LARS2: variants seen among roughly 807,000 people sequenced by gnomAD.
The protein encoded by LARS2 is leucine--tRNA ligase, mitochondrial.
In LARS2, 81 loss-of-function variants were observed where a neutral mutation model predicts 116.6. The observed-to-expected ratio is 0.69, with a 90% CI of 0.58 to 0.84. The LOEUF (loss-of-function observed/expected upper bound fraction) is 0.84, where lower values mean the gene tolerates loss of function less well. Ranked by LOEUF, LARS2 falls within the 40% of genes least tolerant of loss-of-function variation. The probability of loss-of-function intolerance (pLI) is 0.00; values close to 1 mark genes in which losing one functional copy is unlikely to be tolerated. For missense variants in LARS2, 968 were observed against 1,114.5 expected (o/e 0.87, Z 1.87); for synonymous variants, 396 against 407.2 (o/e 0.97, Z 0.33).
intron 14 of LARS2, among the ~76,000 whole-genome samples, chr3:45,497,304 A>C (rs1049611306): frequency 1.5e-4 from 23 of 149,902 alleles, no homozygotes; most frequent in Middle Eastern, 3.4e-3. Context: ...CGCCCCCCCC[A>C]AAAAAAGAAA....
chr3:45,457,398 G>T (rs547150030), intron 7 of LARS2, among the ~76,000 whole-genome samples: 1 of 152,346 alleles, frequency 6.6e-6, no homozygotes, highest in East Asian at 1.9e-4. Context: ...AAATTTTACG[G>T]CTAGGCCTGG....
intron 15 of LARS2, among the ~76,000 whole-genome samples, chr3:45,510,080 T>C (rs570556123): frequency 1.8e-4 from 27 of 152,160 alleles, no homozygotes; most frequent in African/African-American, 6.0e-4. Flanking sequence ...TTAACATTAC[T>C]GAGCATCTGT....
chr3:45,505,084 A>AC (rs1343638714), intron 15 of LARS2, among the ~76,000 whole-genome samples: 6 of 151,032 alleles, frequency 4.0e-5, no homozygotes, highest in Non-Finnish European at 8.9e-5. Context: ...CTGTCTAAAA[A>AC]TTAAAAAAAA....
chr3:45,532,636 C>T (rs560336014), intron 20 of LARS2, among the ~76,000 whole-genome samples: 5 of 152,126 alleles, frequency 3.3e-5, no homozygotes, highest in Admixed American at 6.5e-5. Context: ...GAATGAGTTG[C>T]CTCTGTCTTT....
intron 6 of LARS2, among the ~76,000 whole-genome samples, chr3:45,434,636 T>A (rs1698771274): frequency 6.6e-6 from 1 of 152,252 alleles, no homozygotes; most frequent in African/African-American, 2.4e-5. Flanking sequence ...TAGGTATGGC[T>A]AATGATTTTC....
chr3:45,496,209 A>G (rs1700008404), intron 13 of LARS2, 66 bp from the exon 14 acceptor site: 1 of 1,247,454 alleles, frequency 8.0e-7, no homozygotes, highest in African/African-American at 1.5e-5. Context: ...GCTCTCTCAA[A>G]AGCTGATGGA....
At chr3:45,471,989 T>C (rs886709509) in intron 8 of LARS2, among the ~76,000 whole-genome samples, 2 of 152,220 alleles carry the variant, frequency 1.3e-5, no homozygotes, top group African/African-American at 2.4e-5. Flanking sequence ...TTGAAACTTT[T>C]ATAATCCATT....
intron 3 of LARS2, among the ~76,000 whole-genome samples, chr3:45,396,034 CT>C (rs1408045747): frequency 6.6e-6 from 1 of 152,012 alleles, no homozygotes; most frequent in Non-Finnish European, 1.5e-5. Context: ...GTAAAATTAG[CT>C]TTTTTTTCCC....
intron 6 of LARS2, among the ~76,000 whole-genome samples, chr3:45,440,623 A>G (rs1248140256): frequency 6.6e-6 from 1 of 152,138 alleles, no homozygotes; most frequent in African/African-American, 2.4e-5. Context: ...TAACCTAAAT[A>G]TCCTGAGGTT....
chr3:45,438,206 T>C (rs4682785), intron 6 of LARS2, among the ~76,000 whole-genome samples: 119,527 of 151,996 alleles, frequency 0.79, 47,859 homozygotes, highest in East Asian at 0.99. Context: ...GAATATTCAC[T>C]GTGCAGTTCC....
chr3:45,393,808 A>T (rs893049005), intron 2 of LARS2, among the ~76,000 whole-genome samples: 1 of 152,182 alleles, frequency 6.6e-6, no homozygotes, highest in Non-Finnish European at 1.5e-5. Context: ...TGAGTGAAAG[A>T]GCAGGACCCT....
At chr3:45,441,579 T>C (rs914345062) in intron 6 of LARS2, among the ~76,000 whole-genome samples, 3 of 152,340 alleles carry the variant, frequency 2.0e-5, no homozygotes, top group East Asian at 1.9e-4. Flanking sequence ...GCAAGGAGTG[T>C]GAGCCTAAGG....
intron 4 of LARS2, among the ~76,000 whole-genome samples, chr3:45,401,218 C>G (rs1249280235): frequency 2.0e-5 from 3 of 152,122 alleles, no homozygotes; most frequent in Non-Finnish European, 2.9e-5. Flanking sequence ...GAAGGAACAT[C>G]TGGTCTGGGC....
chr3:45,465,037 C>G (rs1166239625), intron 8 of LARS2, among the ~76,000 whole-genome samples: 2 of 151,994 alleles, frequency 1.3e-5, no homozygotes, highest in African/African-American at 2.4e-5. Context: ...AGAGCCCATG[C>G]CGGCTCTGGA....
intron 15 of LARS2, among the ~76,000 whole-genome samples, chr3:45,502,240 G>A (rs985090068): frequency 4.0e-5 from 6 of 151,550 alleles, no homozygotes; most frequent in African/African-American, 9.7e-5. Flanking sequence ...TTTCTAGATC[G>A]TTTCTCTTTT....
chr3:45,421,463 A>G (rs1575242849), intron 6 of LARS2: 3 of 152,226 alleles, frequency 2.0e-5, no homozygotes, highest in African/African-American at 7.2e-5. Context: ...ATGTAGATAA[A>G]TATCACCACT....
chr3:45,509,437 G>C (rs940556217), intron 15 of LARS2: 1 of 152,032 alleles, frequency 6.6e-6, no homozygotes, highest in African/African-American at 2.4e-5. Context: ...AGTCCAGCAG[G>C]GCCCTTGATG....
intron 4 of LARS2, among the ~76,000 whole-genome samples, chr3:45,415,687 A>C (rs572932654): frequency 3.3e-5 from 5 of 151,990 alleles, no homozygotes; most frequent in Non-Finnish European, 5.9e-5. Context: ...ATCTCTACTA[A>C]AAATACAAAA....
intron 21 of LARS2, among the ~76,000 whole-genome samples, chr3:45,544,646 A>T (rs1700849812): frequency 6.6e-6 from 1 of 152,188 alleles, no homozygotes; most frequent in African/African-American, 2.4e-5. Flanking sequence ...TCTTACAGGC[A>T]AGGAAATGGT....
Sources: gnomAD v4.1 joint callset for allele counts (sites outside exome capture counted in the v4.1 genomes callset) on GRCh38, gnomAD v4.1.1 for gene constraint, MANE v1.5 for transcripts, NCBI Gene and HGNC (gene_info 2026-07-23, HGNC 2026-07-21) for gene names.